Variants in SDK1 observed in about 807,000 individuals in gnomAD.
SDK1 encodes the protein protein sidekick-1.
SDK1 carries 157 observed loss-of-function variants against 245.5 expected under a neutral mutation model. The observed-to-expected ratio is 0.64, with a 90% CI of 0.56 to 0.73. The LOEUF (loss-of-function observed/expected upper bound fraction) is 0.73, where lower values mean the gene tolerates loss of function less well. SDK1 is among the 30% of genes least tolerant of loss of function. The probability of loss-of-function intolerance (pLI) is 0.00; values close to 1 mark genes in which losing one functional copy is unlikely to be tolerated. For synonymous variants in SDK1, 1,647 were observed against 1,278.5 expected (o/e 1.29, Z -6.15); for missense variants, 3,583 against 3,002.3 (o/e 1.19, Z -4.52).
intron 1 of SDK1, among the ~76,000 whole-genome samples, chr7:3,588,258 G>A (rs1207325915): frequency 6.6e-6 from 1 of 152,192 alleles, no homozygotes; most frequent in Non-Finnish European, 1.5e-5. Flanking sequence ...GCCTAGCTAT[G>A]AAATTTATAA....
At chr7:3,865,249 A>G (rs1408431704) in intron 5 of SDK1, among the ~76,000 whole-genome samples, 3 of 152,140 alleles carry the variant, frequency 2.0e-5, no homozygotes, top group African/African-American at 7.2e-5. Context: ...GGAGTGTGGG[A>G]GGCCTGGTGA....
intron 38 of SDK1, among the ~76,000 whole-genome samples, chr7:4,213,055 C>T (rs796482525): frequency 3.9e-5 from 6 of 152,048 alleles, no homozygotes; most frequent in Non-Finnish European, 5.9e-5. Context: ...CCGAGGTGGG[C>T]GGATCACAAG....
intron 4 of SDK1, among the ~76,000 whole-genome samples, chr7:3,646,902 C>G (rs745830396): frequency 3.6e-4 from 55 of 152,184 alleles, no homozygotes; most frequent in Admixed American, 5.2e-4. Flanking sequence ...TTAGAGTAGT[C>G]AAATTCATAG....
At chr7:3,724,632 A>G (rs941583226) in intron 4 of SDK1, among the ~76,000 whole-genome samples, 3 of 152,216 alleles carry the variant, frequency 2.0e-5, no homozygotes, top group Non-Finnish European at 1.5e-5. Context: ...AGTGGTTTTT[A>G]TCCCAAGAAA....
At chr7:3,392,961 ATT>A (rs572782966) in intron 1 of SDK1, among the ~76,000 whole-genome samples, 1 of 87,110 alleles carries the variant, frequency 1.1e-5, no homozygotes, top group African/African-American at 4.8e-5. Flanking sequence ...CCTGTTTTAA[ATT>A]TTTTTTTTTT....
At chr7:3,681,167 C>G (rs1784087659) in intron 4 of SDK1, among the ~76,000 whole-genome samples, 2 of 150,640 alleles carry the variant, frequency 1.3e-5, no homozygotes, top group African/African-American at 4.9e-5. Context: ...TTTATAGTTT[C>G]ACCATCTGAG....
intron 14 of SDK1, among the ~76,000 whole-genome samples, chr7:3,991,349 C>G (rs913607849): frequency 6.6e-6 from 1 of 152,150 alleles, no homozygotes; most frequent in Admixed American, 6.5e-5. Context: ...AATATCACTT[C>G]TGCAAGTCCC....
At chr7:3,498,953 A>T (rs1410078260) in intron 1 of SDK1, among the ~76,000 whole-genome samples, 3 of 152,192 alleles carry the variant, frequency 2.0e-5, no homozygotes, top group African/African-American at 7.2e-5. Context: ...AATACTATTG[A>T]TCTGGCACTA....
chr7:4,167,182 G>A (rs1003962656), intron 32 of SDK1, among the ~76,000 whole-genome samples: 3 of 152,166 alleles, frequency 2.0e-5, no homozygotes, highest in East Asian at 1.9e-4. Context: ...TCACGAGGTC[G>A]AGATTGAGAC....
chr7:4,184,220 G>T (rs557064381), intron 35 of SDK1, among the ~76,000 whole-genome samples: 4 of 152,234 alleles, frequency 2.6e-5, no homozygotes, highest in African/African-American at 4.8e-5. Context: ...CCACAAACTC[G>T]TGGGCCCGAA....
rs75925559 is a variant in SDK1, at chr7:4,268,907, G to T, written c.*3523G>T. 2.5e-6 allele frequency: 1 copy of T among 393,848 alleles called. No individual in the cohort carries two copies. Among genetic ancestry groups the T allele is most frequent in the African/African-American group, 2.1e-5 (1 of 47,680 alleles). The allele number at this position is 393,848 out of a possible 1,614,324, so 24.4% of individuals were successfully genotyped here. ...TTTTCTGAAATTGTGCAGAAAAACA[G>T]ATCTCATTAAAAGAAAAAAAGAAAC... On this transcript the variant is annotated 3_prime_UTR_variant, in exon 45 of 45. Coordinates refer to ENST00000404826, the MANE Select transcript of SDK1 (RefSeq NM_152744.4).
At chr7:3,389,270 T>G (rs913812983) in intron 1 of SDK1, among the ~76,000 whole-genome samples, 12 of 152,050 alleles carry the variant, frequency 7.9e-5, no homozygotes, top group African/African-American at 2.7e-4. Flanking sequence ...AGTTAAAGAT[T>G]TTGAGATGGA....
chr7:3,489,169 AG>A (rs1781794025), intron 1 of SDK1, among the ~76,000 whole-genome samples: 1 of 152,074 alleles, frequency 6.6e-6, no homozygotes, highest in Admixed American at 6.6e-5. Flanking sequence ...ACTGAATTTA[AG>A]GCTAGGGGTG....
chr7:4,116,212 A>G (rs950947182), intron 25 of SDK1, among the ~76,000 whole-genome samples: 3 of 152,158 alleles, frequency 2.0e-5, no homozygotes, highest in African/African-American at 4.8e-5. Flanking sequence ...CAATAAGGAA[A>G]GGGGACTTGG....
chr7:4,266,890 C>T lies in SDK1; in HGVS notation c.*1506C>T. On this transcript the variant is annotated 3_prime_UTR_variant, in exon 45 of 45. Transcript: ENST00000404826. The stretch of plus-strand genomic sequence containing the variant: ...TGCCCCCCAGTGCACGGCAAACGGG[C>T]AGGTGCCGTTCCCCCAGTGACCTGA... The T allele has an allele frequency of 2.0e-6, 2 of 985,530 alleles. No homozygotes were observed. The highest frequency in any genetic ancestry group is 2.4e-6 in the Non-Finnish European group (2 of 829,994). The allele number at this position is 985,530 out of a possible 1,614,324, so 61.0% of individuals were successfully genotyped here. A position where few individuals can be genotyped will look rare whatever the true frequency, so the allele number is the denominator to read the frequency against.
At chr7:4,063,683 G>C (rs912643446) in intron 19 of SDK1, among the ~76,000 whole-genome samples, 3 of 150,440 alleles carry the variant, frequency 2.0e-5, no homozygotes, top group African/African-American at 7.3e-5. Context: ...CAAAAATAAC[G>C]AAACTGGAGG....
rs757796270 is a variant in SDK1, at chr7:4,268,808, G to T, written c.*3424G>T. On this transcript the variant is annotated 3_prime_UTR_variant, in exon 45 of 45. Transcript: ENST00000404826. ...GGAAACTCATGAGCTGAGCCTGCCC[G>T]CTGGGACACGTCTCCTTCCCGCGTC... 4.1e-6 allele frequency: 5 copies of T among 1,230,632 alleles called. No individual in the cohort carries two copies. Among genetic ancestry groups the T allele is most frequent in the Non-Finnish European group, 5.6e-6 (5 of 897,650 alleles). The allele number at this position is 1,230,632 out of a possible 1,614,324, so 76.2% of individuals were successfully genotyped here. A position where few individuals can be genotyped will look rare whatever the true frequency, so the allele number is the denominator to read the frequency against.
In SDK1 at chr7:3,490,500, C is replaced by G. The variant is rs944492275; in HGVS notation, c.299-128580C>G. Among the ~76,000 whole-genome samples, 11 of 152,248 alleles carry G rather than the reference C, an allele frequency of 7.2e-5. No individual in the cohort carries two copies. In the East Asian group the frequency reaches 1.9e-3, roughly 27 times the overall value. On this transcript the variant is annotated intron_variant, in intron 1 of 44. Coordinates refer to ENST00000404826, the MANE Select transcript of SDK1 (RefSeq NM_152744.4). ...GTTCTGTATATCATTTTAAAGATTA[C>G]CATTCGTTTTCTTCTGATATTTCTT... is the stretch of plus-strand genomic sequence containing the variant.
At chr7:4,009,109 TG>T (rs1785732254) in intron 14 of SDK1, among the ~76,000 whole-genome samples, 1 of 152,268 alleles carries the variant, frequency 6.6e-6, no homozygotes, top group South Asian at 2.1e-4. Context: ...GCCACCCTAG[TG>T]GGTATTAGAT....
Sources: allele counts gnomAD v4.1 joint callset (sites outside exome capture counted in the v4.1 genomes callset), GRCh38; gene constraint gnomAD v4.1.1; transcripts MANE v1.5; gene names NCBI Gene and HGNC (gene_info 2026-07-23, HGNC 2026-07-21).